Variants in KCNIP4 observed in about 807,000 individuals in gnomAD.
The protein encoded by KCNIP4 is Kv channel-interacting protein 4.
KCNIP4 carries 12 observed loss-of-function variants against 34.0 expected under a neutral mutation model. The ratio of observed to expected loss-of-function variants is 0.35; its 90% CI spans 0.23 to 0.57. The LOEUF is 0.57. Among genes scored for constraint, KCNIP4 ranks in the 20% least tolerant of loss-of-function variants. The pLI is 0.83. For synonymous variants in KCNIP4, 124 were observed against 102.2 expected (o/e 1.21, Z -1.29); for missense variants, 238 against 311.7 (o/e 0.76, Z 1.78).
intron 1 of KCNIP4, among the ~76,000 whole-genome samples, chr4:21,700,442 T>C (rs1244535742): frequency 6.6e-6 from 1 of 152,236 alleles, no homozygotes; most frequent in Non-Finnish European, 1.5e-5. Context: ...ATTATTTGTT[T>C]TCTTGCTATT....
chr4:20,766,196 G>C (rs571456370), intron 3 of KCNIP4, among the ~76,000 whole-genome samples: 1 of 152,254 alleles, frequency 6.6e-6, no homozygotes, highest in African/African-American at 2.4e-5. Context: ...CTGTCTTAGA[G>C]AGGGGCCACT....
At chr4:21,193,294 G>A (rs536764642) in intron 1 of KCNIP4, among the ~76,000 whole-genome samples, 9 of 152,188 alleles carry the variant, frequency 5.9e-5, no homozygotes, top group Non-Finnish European at 7.4e-5. Flanking sequence ...TCTTTTTAAA[G>A]CTTTCTTTGT....
chr4:21,024,352 A>G (rs1048067774), intron 1 of KCNIP4, among the ~76,000 whole-genome samples: 4 of 152,196 alleles, frequency 2.6e-5, no homozygotes, highest in East Asian at 1.9e-4. Context: ...TGAGGTTGAC[A>G]TGGGAGTCAG....
chr4:21,643,599 A>C lies in KCNIP4; in HGVS notation c.61+304972T>G, dbSNP rs576754323. On this transcript the variant is annotated intron_variant, in intron 1 of 8. Coordinates refer to ENST00000382152, the MANE Select transcript of KCNIP4 (RefSeq NM_025221.6). Reference sequence around the variant, plus strand: ...TATTTTTTAGATGAGATTAACATTTAAATCAATGGATTTTGAGGAAAGCAT... The same window carrying C: ...TATTTTTTAGATGAGATTAACATTTCAATCAATGGATTTTGAGGAAAGCAT... 2.0e-5 allele frequency among the ~76,000 whole-genome samples: 3 copies of C among 152,294 alleles called. No individual in the cohort carries two copies. The South Asian group carries it at 6.2e-4, about 32-fold the overall frequency.
At chr4:20,971,819 T>C (rs1283925483) in intron 1 of KCNIP4, among the ~76,000 whole-genome samples, 2 of 152,248 alleles carry the variant, frequency 1.3e-5, no homozygotes, top group Non-Finnish European at 2.9e-5. Flanking sequence ...CTTTAGCATA[T>C]GATGCTGTTG....
chr4:21,051,666 A>G, intron 1 of KCNIP4, among the ~76,000 whole-genome samples: 1 of 152,198 alleles, frequency 6.6e-6, no homozygotes, highest in Non-Finnish European at 1.5e-5. Context: ...TTGGCCCTGA[A>G]CACAAAACTT....
chr4:21,501,248 T>TCTCTCACACACA (rs764571152), intron 1 of KCNIP4, among the ~76,000 whole-genome samples: 2 of 104,190 alleles, frequency 1.9e-5, no homozygotes, highest in African/African-American at 6.5e-5. Context: ...TCTCTCTCTC[T>TCTCTCACACACA]CACACACACA....
chr4:21,128,874 T>C (rs186021887), intron 1 of KCNIP4, among the ~76,000 whole-genome samples: 19 of 152,306 alleles, frequency 1.2e-4, no homozygotes, highest in Admixed American at 7.8e-4. Flanking sequence ...AAAAGATTAG[T>C]ATTTGGAGCC....
chr4:21,346,688 C>G (rs1717459360), intron 1 of KCNIP4, among the ~76,000 whole-genome samples: 1 of 152,060 alleles, frequency 6.6e-6, no homozygotes. Flanking sequence ...ATACAAATCA[C>G]CTGGGGAATC....
rs531881175 is a variant in KCNIP4 at position 21,757,147 on chromosome 4, G to T, written c.61+191424C>A. Among the ~76,000 whole-genome samples the T allele has an allele frequency of 9.5e-4, 25 of 26,418 alleles. 1 individual carries two copies. The highest frequency in any genetic ancestry group is 3.3e-3 in the Admixed American group (8 of 2,450). The allele number at this position is 26,418 out of a possible 152,430, so 17.3% of individuals were successfully genotyped here. ...AGAAAGAAAGAAAGAAAGAAAGAAA[G>T]AAAGAAAGAAAGAAAGAAAGAAGGA... On this transcript the variant is annotated intron_variant, in intron 1 of 8. Coordinates refer to ENST00000382152, the MANE Select transcript of KCNIP4 (RefSeq NM_025221.6).
chr4:21,729,645 T>C (rs2109108884), intron 1 of KCNIP4, among the ~76,000 whole-genome samples: 1 of 152,268 alleles, frequency 6.6e-6, no homozygotes, highest in Admixed American at 6.5e-5. Flanking sequence ...AAAGCAAAGG[T>C]ATGCCTCTGC....
intron 2 of KCNIP4, among the ~76,000 whole-genome samples, chr4:20,869,868 A>AC (rs1377090035): frequency 2.6e-5 from 4 of 152,050 alleles, no homozygotes. Flanking sequence ...GCTCTGTGTG[A>AC]CCTTGGGCAA....
rs112128246 is a variant in KCNIP4, at chr4:21,370,882, CGTGT to C, written c.62-488177_62-488174del. ...ACACACACACACACACACACACACA[CGTGT>C]GTGTGTGTGTGTGTGTATTAGCAGA... On this transcript the variant is annotated intron_variant, in intron 1 of 8. Coordinates refer to ENST00000382152, the MANE Select transcript of KCNIP4 (RefSeq NM_025221.6). Among the ~76,000 whole-genome samples the C allele has an allele frequency of 3.8e-4, 15 of 39,396 alleles. 2 individuals carry two copies. The highest frequency in any genetic ancestry group is 1.4e-3 in the African/African-American group (14 of 10,042). The allele number at this position is 39,396 out of a possible 152,430, so 25.8% of individuals were successfully genotyped here.
At chr4:20,863,646 C>T (rs544736880) in intron 2 of KCNIP4, among the ~76,000 whole-genome samples, 6 of 152,082 alleles carry the variant, frequency 3.9e-5, no homozygotes, top group African/African-American at 9.7e-5. Context: ...GTTCAGCCTA[C>T]GCCCAGGAAT....
In KCNIP4 at chr4:21,948,691, C is replaced by A; in HGVS notation, c.-60G>T. The stretch of plus-strand genomic sequence containing the variant: ...GAGTCCACCGGCCAGGGGCGTCTGT[C>A]CACGGGTCTGCACGGGAGCGCACCG... On this transcript the variant is annotated 5_prime_UTR_variant, in exon 1 of 9. Transcript: ENST00000382152. The A allele has an allele frequency of 6.3e-7, 1 of 1,579,650 alleles. No homozygotes were observed. The highest frequency in any genetic ancestry group is 1.7e-4 in the Middle Eastern group (1 of 5,956).
chr4:21,299,955 C>T (rs1361045559), intron 1 of KCNIP4, among the ~76,000 whole-genome samples: 1 of 152,200 alleles, frequency 6.6e-6, no homozygotes, highest in African/African-American at 2.4e-5. Flanking sequence ...CAAAAGACAG[C>T]CTAGTCCTTA....
intron 1 of KCNIP4, among the ~76,000 whole-genome samples, chr4:21,268,215 G>C (rs1205784036): frequency 3.3e-5 from 5 of 151,564 alleles, no homozygotes; most frequent in Admixed American, 3.3e-4. Flanking sequence ...CAACATCAGA[G>C]TTTTCTTAAA....
At chr4:21,491,588 G>T (rs1035061376) in intron 1 of KCNIP4, among the ~76,000 whole-genome samples, 2 of 152,010 alleles carry the variant, frequency 1.3e-5, no homozygotes, top group Non-Finnish European at 2.9e-5. Context: ...GCCCAGGCTG[G>T]TCTCAAAATC....
At chr4:21,569,424 A>G (rs185017584) in intron 1 of KCNIP4, among the ~76,000 whole-genome samples, 118 of 152,040 alleles carry the variant, frequency 7.8e-4, no homozygotes, top group African/African-American at 2.7e-3. Flanking sequence ...AAAGTACAGA[A>G]CTTTAGTAAT....
Sources: allele counts gnomAD v4.1 joint callset (sites outside exome capture counted in the v4.1 genomes callset), GRCh38; gene constraint gnomAD v4.1.1; transcripts MANE v1.5; gene names NCBI Gene and HGNC (gene_info 2026-07-23, HGNC 2026-07-21).